The following ZNF462 variants were observed in gnomAD, a reference collection of about 807,000 sequenced individuals.
The protein encoded by ZNF462 is zinc finger PBX1-interacting protein.
A neutral mutation model predicts 201.9 loss-of-function variants in ZNF462; 10 were observed. The ratio of observed to expected loss-of-function variants is 0.05; its 90% CI spans 0.03 to 0.08. ZNF462 has a LOEUF of 0.08. Among genes scored for constraint, ZNF462 ranks in the 10% least tolerant of loss-of-function variants. ZNF462 has a pLI of 1.00. For synonymous variants in ZNF462, 1,227 were observed against 1,193.3 expected, an observed-to-expected ratio of 1.03 and a Z score of -0.58; for missense variants, 2,523 against 3,168.3, an observed-to-expected ratio of 0.80 and a Z score of 4.89.
intron 8 of ZNF462, among the ~76,000 whole-genome samples, chr9:106,973,569 A>T (rs1035141514): frequency 1.3e-5 from 2 of 152,168 alleles, no homozygotes; most frequent in Admixed American, 6.5e-5. Flanking sequence ...ATCGATTTTA[A>T]TGAGACATTT....
rs1444196428 is a variant in ZNF462, at chr9:106,886,136, G to A, written c.-31+22781G>A. On this transcript the variant is annotated intron_variant, in intron 1 of 12. Transcript: ENST00000277225. This position sits in a 1 kb window ranked among gnomAD's most constrained non-coding sequence, Gnocchi z 4.6. ...CCAAGAAGTGGGTTTGTTGGCCTTA[G>A]CCTGATAGGTGGTAGCCACATAATG... is the stretch of plus-strand genomic sequence containing the variant. Among the ~76,000 whole-genome samples the A allele has an allele frequency of 6.6e-6, 1 of 152,162 alleles. No individual in the cohort carries two copies. Among genetic ancestry groups the A allele is most frequent in the African/African-American group, 2.4e-5 (1 of 41,430 alleles).
intron 1 of ZNF462, among the ~76,000 whole-genome samples, chr9:106,912,564 C>G (rs1294572104): frequency 6.6e-6 from 1 of 152,146 alleles, no homozygotes; most frequent in Non-Finnish European, 1.5e-5. Flanking sequence ...ACAACTGACA[C>G]GTATGGAATG....
chr9:106,985,681 C>T (rs995617450), intron 10 of ZNF462, among the ~76,000 whole-genome samples: 1 of 152,150 alleles, frequency 6.6e-6, no homozygotes, highest in African/African-American at 2.4e-5. Flanking sequence ...TGCTCTGTAT[C>T]CTCATGAGTG....
At position 107,009,415 on chromosome 9, in the gene ZNF462, A is replaced by G; in HGVS notation, c.7190-130A>G. ...GGGGAAACCTAAGAAAAAGTGAGGAATCTGGAAATTGCTTTCACCACATGG... is the reference window on the plus strand; with the variant it reads ...GGGGAAACCTAAGAAAAAGTGAGGAGTCTGGAAATTGCTTTCACCACATGG... On this transcript the variant is annotated intron_variant, in intron 11 of 12. Coordinates refer to ENST00000277225, the MANE Select transcript of ZNF462 (RefSeq NM_021224.6). The surrounding 1 kb of genome is among the most constrained non-coding windows in gnomAD (Gnocchi z 6.1). 1 of 1,244,308 alleles carries G rather than the reference A, an allele frequency of 8.0e-7. No homozygotes were observed. Among genetic ancestry groups the G allele is most frequent in the South Asian group, 1.6e-5 (1 of 64,338 alleles). 77.1% of individuals were successfully genotyped at this position (1,244,308 alleles called of 1,614,324 possible). A position where few individuals can be genotyped will look rare whatever the true frequency, so the allele number is the denominator to read the frequency against.
rs58419285 is a variant in ZNF462, at chr9:106,993,806, G to A, written c.7056+9397G>A. On this transcript the variant is annotated intron_variant, in intron 10 of 12. Coordinates refer to ENST00000277225, the MANE Select transcript of ZNF462 (RefSeq NM_021224.6). This position sits in a 1 kb window ranked among gnomAD's most constrained non-coding sequence, Gnocchi z 4.0. ...GTTGCCCAGGCTGAGGTGCAATGGC[G>A]CAATCATAGCTCACTGCATCTTCAA... 0.084 allele frequency among the ~76,000 whole-genome samples: 12,779 copies of A among 151,978 alleles called. 1,299 individuals are homozygous for A. The highest frequency in any genetic ancestry group is 0.24 in the African/African-American group (10,013 of 41,408).
rs1826863319 is a variant in ZNF462 at position 106,974,693 on chromosome 9, G to A, written c.6832+420G>A. Reference sequence around the variant, plus strand: ...CAAGAAGACCAAAATGATTTCCAAAGCAGAACATGGAACTTCCCTTGAAAT... The same window carrying A: ...CAAGAAGACCAAAATGATTTCCAAAACAGAACATGGAACTTCCCTTGAAAT... On this transcript the variant is annotated intron_variant, in intron 9 of 12. Transcript: ENST00000277225. The surrounding 1 kb of genome is among the most constrained non-coding windows in gnomAD (Gnocchi z 4.0). 4.0e-6 allele frequency: 1 copy of A among 249,614 alleles called. No individual in the cohort carries two copies. The highest frequency in any genetic ancestry group is 5.0e-5 in the Admixed American group (1 of 19,852). 15.5% of individuals were successfully genotyped at this position (249,614 alleles called of 1,614,324 possible). A position where few individuals can be genotyped will look rare whatever the true frequency, so the allele number is the denominator to read the frequency against.
At chr9:106,979,238 T>G (rs965667628) in intron 9 of ZNF462, 1 of 153,906 alleles carries the variant, frequency 6.5e-6, no homozygotes, top group African/African-American at 2.4e-5. Context: ...AGGCCAACAA[T>G]CTTCTTCTCT....
At chr9:106,955,202 C>G (rs1564130313) in intron 7 of ZNF462, among the ~76,000 whole-genome samples, 3 of 152,104 alleles carry the variant, frequency 2.0e-5, no homozygotes, top group Non-Finnish European at 4.4e-5. Context: ...ATCTAACATA[C>G]AGGAATACCT....
At chr9:106,946,310 G>A (rs1204642670) in intron 7 of ZNF462, among the ~76,000 whole-genome samples, 1 of 152,148 alleles carries the variant, frequency 6.6e-6, no homozygotes, top group African/African-American at 2.4e-5. Context: ...AGAAAAATAT[G>A]TCAGTCATTA....
chr9:106,878,117 G>T (rs930394605), intron 1 of ZNF462, among the ~76,000 whole-genome samples: 1 of 152,124 alleles, frequency 6.6e-6, no homozygotes, highest in Non-Finnish European at 1.5e-5. Context: ...TTGGCTGTGG[G>T]GTATGACCTG....
rs1377982107 is a variant in ZNF462, at chr9:106,883,069, A to G, written c.-31+19714A>G. On this transcript the variant is annotated intron_variant, in intron 1 of 12. Coordinates refer to ENST00000277225, the MANE Select transcript of ZNF462 (RefSeq NM_021224.6). This position sits in a 1 kb window ranked among gnomAD's most constrained non-coding sequence, Gnocchi z 4.9. Reference sequence around the variant, plus strand: ...CTTGAACATTTCAATGGAATGATTTAGATCATTGAAAGTCTACTATGTGCA... The same window carrying G: ...CTTGAACATTTCAATGGAATGATTTGGATCATTGAAAGTCTACTATGTGCA... 6.6e-6 allele frequency among the ~76,000 whole-genome samples: 1 copy of G among 152,202 alleles called. No individual in the cohort carries two copies. The highest frequency in any genetic ancestry group is 6.5e-5 in the Admixed American group (1 of 15,280).
chr9:106,871,155 T>C (rs1441329621), intron 1 of ZNF462, among the ~76,000 whole-genome samples: 1 of 152,234 alleles, frequency 6.6e-6, no homozygotes, highest in African/African-American at 2.4e-5. Flanking sequence ...AAGGTTCCAA[T>C]ACTTACCTGC....
chr9:106,930,513 G>GT lies in ZNF462; in HGVS notation c.5848-11dup. On this transcript the variant is annotated splice_polypyrimidine_tract_variant and intron_variant, in intron 3 of 12. Coordinates refer to ENST00000277225, the MANE Select transcript of ZNF462 (RefSeq NM_021224.6). The surrounding 1 kb of genome is among the most constrained non-coding windows in gnomAD (Gnocchi z 5.8). ...GCTCGGAGTACTGATGGCTACCACT[G>GT]TATTTTACCAGCCTTTTGGTCACTT... is the stretch of plus-strand genomic sequence containing the variant. 1 of 1,613,956 alleles carries GT rather than the reference G, an allele frequency of 6.2e-7. No homozygotes were observed. Among genetic ancestry groups the GT allele is most frequent in the Non-Finnish European group, 8.5e-7 (1 of 1,179,868 alleles).
chr9:106,939,083 G>A lies in ZNF462; in HGVS notation c.6403G>A (p.Ala2135Thr), dbSNP rs768460213. Residue 2135 changes from alanine (A) to threonine (T), a missense_variant, in exon 7 of 13, where the codon GCT becomes ACT. Coordinates refer to ENST00000277225, the MANE Select transcript of ZNF462 (RefSeq NM_021224.6). ...SHHSSQKATP[A>T]EEVEDSNDSS... The stretch of plus-strand genomic sequence containing the variant: ...CCACTCCTCCCAAAAAGCTACCCCG[G>A]CTGAAGAAGTGGAAGACTCCAATGG... The A allele has an allele frequency of 6.2e-7, 1 of 1,608,730 alleles. No homozygotes were observed. Among genetic ancestry groups the A allele is most frequent in the South Asian group, 1.1e-5 (1 of 90,018 alleles).
upstream of ZNF462, among the ~76,000 whole-genome samples, chr9:106,860,184 C>T (rs1235355767): frequency 6.6e-6 from 1 of 152,152 alleles, no homozygotes; most frequent in Non-Finnish European, 1.5e-5. This position sits in a 1 kb window ranked among gnomAD's most constrained non-coding sequence, Gnocchi z 7.1. Context: ...GCGGCCGGTT[C>T]GGGAGCTTTC....
rs1826819805 is a variant in ZNF462 at position 106,974,190 on chromosome 9, G to C, written c.6749G>C (p.Gly2250Ala). 2.5e-6 allele frequency: 4 copies of C among 1,614,104 alleles called. No individual in the cohort carries two copies. Among genetic ancestry groups the C allele is most frequent in the Non-Finnish European group, 3.4e-6 (4 of 1,180,014 alleles). The stretch of plus-strand genomic sequence containing the variant: ...GGGCACTCAGCAGTTCCCGAGGAGG[G>C]CCCCAAAGATCTTCGCTGTCCTCTC... ...EAGHSAVPEE[G>A]PKDLRCPLCL... is the part of the protein sequence containing the mutation. Residue 2250 changes from glycine to alanine, a missense_variant, in exon 9 of 13, where the codon GGC becomes GCC. By Grantham distance (60) the Gly-to-Ala change is moderately conservative. Transcript: ENST00000277225. The surrounding 1 kb of genome is among the most constrained non-coding windows in gnomAD (Gnocchi z 4.0).
intron 1 of ZNF462, among the ~76,000 whole-genome samples, chr9:106,888,336 C>T (rs773756149): frequency 6.6e-6 from 1 of 152,156 alleles, no homozygotes; most frequent in African/African-American, 2.4e-5. Context: ...CCACCGCGCC[C>T]GGCCAAATGT....
At chr9:106,908,942 T>TATATATATATACA (rs71384993) in intron 1 of ZNF462, among the ~76,000 whole-genome samples, 1 of 16,688 alleles carries the variant, frequency 6.0e-5, no homozygotes, top group African/African-American at 2.1e-4. Flanking sequence ...TATATATATA[T>TATATATATATACA]TTTTTTTTTT....
Position 106,929,004 on chromosome 9 carries a change from A to C in ZNF462, c.5092A>C (p.Lys1698Gln). Residue 1698 changes from lysine (K) to glutamine (Q), a missense_variant, in exon 3 of 13, where the codon AAG (lysine) becomes CAG (glutamine). By Grantham distance (53) the Lys-to-Gln change is moderately conservative. Coordinates refer to ENST00000277225, the MANE Select transcript of ZNF462 (RefSeq NM_021224.6). This position sits in a 1 kb window ranked among gnomAD's most constrained non-coding sequence, Gnocchi z 8.7. Reference protein sequence around the residue: ...AQPEGKNNLFKCALCAYTNPI... With the variant: ...AQPEGKNNLFQCALCAYTNPI... ...GCCAGAAGGCAAGAACAACCTCTTC[A>C]AGTGTGCCCTGTGTGCCTACACCAA... The C allele has an allele frequency of 6.2e-7, 1 of 1,614,062 alleles. No individual in the cohort carries two copies. The highest frequency in any genetic ancestry group is 8.5e-7 in the Non-Finnish European group (1 of 1,180,018).
Sources: gnomAD v4.1 joint callset for allele counts (sites outside exome capture counted in the v4.1 genomes callset) on GRCh38, gnomAD v4.1.1 for gene constraint, Gnocchi (gnomAD v3.1) non-coding constraint, MANE v1.5 for transcripts, NCBI Gene and HGNC (gene_info 2026-07-23, HGNC 2026-07-21) for gene names.